SEMA5A: variants seen among roughly 807,000 people sequenced by gnomAD.
SEMA5A encodes semaphorin-5A.
SEMA5A carries 55 observed loss-of-function variants against 135.5 expected under a neutral mutation model. That is an observed-to-expected ratio of 0.41 (90% CI 0.33 to 0.51). The LOEUF (loss-of-function observed/expected upper bound fraction) is 0.51. Ranked by LOEUF, SEMA5A falls within the 20% of genes least tolerant of loss-of-function variation. SEMA5A has a pLI of 0.37. For synonymous variants in SEMA5A, 580 were observed against 546.5 expected (o/e 1.06, Z -0.85); for missense variants, 1,290 against 1,419.9 (o/e 0.91, Z 1.47).
intron 16 of SEMA5A, among the ~76,000 whole-genome samples, chr5:9,082,553 G>A (rs1738448878): frequency 6.6e-6 from 1 of 152,160 alleles, no homozygotes; most frequent in African/African-American, 2.4e-5. Context: ...ACCAAGGTCT[G>A]CCCAGGGGTT....
intron 3 of SEMA5A, among the ~76,000 whole-genome samples, chr5:9,352,353 TCTAGCTATCTAGCTAG>T (rs1754165419): frequency 1.3e-5 from 2 of 151,052 alleles, no homozygotes; most frequent in Non-Finnish European, 2.9e-5. Context: ...TATCTAGCTA[TCTAGCTATCTAGCTAG>T]CTAGCTATCG....
intron 3 of SEMA5A, among the ~76,000 whole-genome samples, chr5:9,344,165 T>G (rs936297150): frequency 5.3e-5 from 8 of 152,228 alleles, no homozygotes; most frequent in Admixed American, 4.6e-4. Flanking sequence ...AGGAATTGTA[T>G]GAGATACTTT....
intron 1 of SEMA5A, among the ~76,000 whole-genome samples, chr5:9,519,651 A>G (rs1462829599): frequency 2.0e-5 from 3 of 152,230 alleles, no homozygotes; most frequent in Admixed American, 6.5e-5. Flanking sequence ...ATCACCATGC[A>G]TGTGCTGAAG....
chr5:9,315,144 G>A (rs1163642201), intron 5 of SEMA5A, among the ~76,000 whole-genome samples: 1 of 152,152 alleles, frequency 6.6e-6, no homozygotes, highest in Non-Finnish European at 1.5e-5. Context: ...CATCATGTCA[G>A]TAAAATTTGC....
chr5:9,439,119 T>A (rs1266459338), intron 1 of SEMA5A, among the ~76,000 whole-genome samples: 1 of 152,028 alleles, frequency 6.6e-6, no homozygotes, highest in Non-Finnish European at 1.5e-5. Flanking sequence ...GCACGGCCAA[T>A]CCTCCAGTCC....
chr5:9,293,233 T>C (rs1164286908), intron 5 of SEMA5A, among the ~76,000 whole-genome samples: 1 of 152,148 alleles, frequency 6.6e-6, no homozygotes, highest in African/African-American at 2.4e-5. Flanking sequence ...TGCAAGGAGG[T>C]GGCATCTGAT....
intron 13 of SEMA5A, among the ~76,000 whole-genome samples, chr5:9,128,256 G>A (rs1741223822): frequency 6.6e-6 from 1 of 152,194 alleles, no homozygotes; most frequent in African/African-American, 2.4e-5. Flanking sequence ...ATCCTGACTA[G>A]GCTATAAGCC....
At chr5:9,111,007 G>A (rs541741884) in intron 15 of SEMA5A, among the ~76,000 whole-genome samples, 10 of 152,190 alleles carry the variant, frequency 6.6e-5, no homozygotes, top group Non-Finnish European at 1.0e-4. Context: ...ACGTGCAAAT[G>A]TGTCGAGTTC....
intron 12 of SEMA5A, among the ~76,000 whole-genome samples, chr5:9,137,387 A>G (rs16882062): frequency 0.29 from 44,605 of 152,130 alleles, 6,644 homozygotes; most frequent in Non-Finnish European, 0.32. Context: ...TGTCTAAATG[A>G]AAGAGTTCAT....
chr5:9,453,744 A>G (rs1438662919), intron 1 of SEMA5A, among the ~76,000 whole-genome samples: 2 of 152,228 alleles, frequency 1.3e-5, no homozygotes, highest in African/African-American at 4.8e-5. Flanking sequence ...TTGCTAATTC[A>G]GTATTTGCAG....
intron 5 of SEMA5A, among the ~76,000 whole-genome samples, chr5:9,242,654 C>G (rs1450163361): frequency 6.6e-6 from 1 of 152,118 alleles, no homozygotes; most frequent in South Asian, 2.1e-4. Context: ...AGACAACCAA[C>G]GTGGTGCAGT....
chr5:9,111,790 A>T (rs889666624), intron 15 of SEMA5A, among the ~76,000 whole-genome samples: 1 of 152,178 alleles, frequency 6.6e-6, no homozygotes, highest in Non-Finnish European at 1.5e-5. Context: ...GGAAGCCTGT[A>T]AGTATGGATC....
chr5:9,292,250 C>T (rs1751122743), intron 5 of SEMA5A, among the ~76,000 whole-genome samples: 1 of 152,186 alleles, frequency 6.6e-6, no homozygotes, highest in Admixed American at 6.5e-5. Flanking sequence ...TGGTCCATAA[C>T]TTAAATTGCA....
chr5:9,248,587 A>C (rs1424913389), intron 5 of SEMA5A, among the ~76,000 whole-genome samples: 1 of 151,864 alleles, frequency 6.6e-6, no homozygotes, highest in Non-Finnish European at 1.5e-5. Flanking sequence ...AAAAGGACTG[A>C]AGATAATTAA....
chr5:9,197,036 T>G (rs1019393532), intron 10 of SEMA5A, 132 bp downstream of exon 10: 1 of 1,287,120 alleles, frequency 7.8e-7, no homozygotes, highest in Non-Finnish European at 1.1e-6. Flanking sequence ...TATGGGGCTG[T>G]CCATGAGGGG....
chr5:9,113,095 T>C (rs1439580019), intron 15 of SEMA5A, among the ~76,000 whole-genome samples: 1 of 152,208 alleles, frequency 6.6e-6, no homozygotes, highest in Non-Finnish European at 1.5e-5. Flanking sequence ...GGCCTCTATG[T>C]TGATTTCAGC....
At chr5:9,215,297 T>C (rs1469455668) in intron 8 of SEMA5A, among the ~76,000 whole-genome samples, 3 of 152,214 alleles carry the variant, frequency 2.0e-5, no homozygotes, top group Non-Finnish European at 4.4e-5. Flanking sequence ...ACTTCAGATC[T>C]CAACAGTTGA....
chr5:9,273,371 C>A (rs1279041415), intron 5 of SEMA5A, among the ~76,000 whole-genome samples: 8 of 152,074 alleles, frequency 5.3e-5, no homozygotes, highest in Admixed American at 4.6e-4. Flanking sequence ...GATTGGGCTA[C>A]CTTAAAGTGA....
In SEMA5A at chr5:9,062,355, A is replaced by AT. The variant is rs201255839; in HGVS notation, c.2518+531dup. ...AATGGTCTTAATATTGCTTGGAATG[A>AT]TTTAGGATTTGGTTTCAGGTCTGCT... On this transcript the variant is annotated intron_variant, in intron 18 of 22. Coordinates refer to ENST00000382496, the MANE Select transcript of SEMA5A (RefSeq NM_003966.3). 5.7e-3 allele frequency among the ~76,000 whole-genome samples: 874 copies of AT among 152,246 alleles called. 4 individuals carry two copies. Among genetic ancestry groups the AT allele is most frequent in the African/African-American group, 0.02 (838 of 41,534 alleles).
Sources: allele counts gnomAD v4.1 joint callset (sites outside exome capture counted in the v4.1 genomes callset), GRCh38; gene constraint gnomAD v4.1.1; transcripts MANE v1.5; gene names NCBI Gene and HGNC (gene_info 2026-07-23, HGNC 2026-07-21).